The following C8B variants were observed in gnomAD, a reference collection of about 807,000 sequenced individuals.
The protein encoded by C8B is complement component C8 beta chain.
In C8B, 67 loss-of-function variants were observed where a neutral mutation model predicts 64.6. The ratio of observed to expected loss-of-function variants is 1.04; its 90% confidence interval spans 0.85 to 1.27. The LOEUF (loss-of-function observed/expected upper bound fraction) is 1.27, where lower values mean the gene tolerates loss of function less well. Among genes scored for constraint, C8B ranks in the 50% most tolerant of loss-of-function variants. The probability of loss-of-function intolerance (pLI) is 0.00; values close to 1 mark genes in which losing one functional copy is unlikely to be tolerated. For missense variants in C8B, 790 were observed against 725.2 expected, an observed-to-expected ratio of 1.09 and a Z score of -1.03; for synonymous variants, 284 against 257.7, an observed-to-expected ratio of 1.10 and a Z score of -0.98.
intron 6 of C8B, among the ~76,000 whole-genome samples, chr1:56,948,404 C>G (rs1644973803): frequency 6.6e-6 from 1 of 152,168 alleles, no homozygotes; most frequent in Admixed American, 6.5e-5. Flanking sequence ...AGATATGATT[C>G]TGGCTCAGTT....
At chr1:56,965,345 C>G (rs1645237737) in intron 1 of C8B, among the ~76,000 whole-genome samples, 1 of 149,982 alleles carries the variant, frequency 6.7e-6, no homozygotes, top group African/African-American at 2.5e-5. Flanking sequence ...AATAAATCAG[C>G]CAGCATTTAA....
At chr1:56,936,601 CTT>C in intron 9 of C8B, among the ~76,000 whole-genome samples, 1 of 95,212 alleles carries the variant, frequency 1.1e-5, no homozygotes, top group Non-Finnish European at 2.2e-5. Flanking sequence ...TTTTTCTTTT[CTT>C]TTTTTTTTTG....
At chr1:56,931,912 GC>G in intron 10 of C8B, 34 bp from the exon 11 acceptor site, 1 of 1,514,982 alleles carries the variant, frequency 6.6e-7, no homozygotes, top group Non-Finnish European at 9.2e-7. Context: ...TGTGAATCAT[GC>G]CAGGTGGAGC....
chr1:56,945,735 C>A (rs1373007566), intron 7 of C8B, 86 bp downstream of exon 7: 4 of 1,540,118 alleles, frequency 2.6e-6, no homozygotes, highest in Non-Finnish European at 3.6e-6. Flanking sequence ...GAAGGTGTAG[C>A]CAGGAAGGTA....
chr1:56,933,900 G>A (rs1644738735), intron 9 of C8B, among the ~76,000 whole-genome samples: 1 of 152,110 alleles, frequency 6.6e-6, no homozygotes, highest in African/African-American at 2.4e-5. Context: ...CTTTGGTGGG[G>A]CAGAGAAGGT....
chr1:56,954,537 A>G, intron 4 of C8B, 149 bp downstream of exon 4: 1 of 1,071,158 alleles, frequency 9.3e-7, no homozygotes, highest in Non-Finnish European at 1.4e-6. Flanking sequence ...GCCCTCAGAG[A>G]GCAACCGGAA....
chr1:56,945,428 A>G (rs1325617124), intron 7 of C8B, among the ~76,000 whole-genome samples: 1 of 152,224 alleles, frequency 6.6e-6, no homozygotes, highest in East Asian at 1.9e-4. Flanking sequence ...TTGGAGAAAG[A>G]AAGTCAAAAG....
intron 8 of C8B, among the ~76,000 whole-genome samples, chr1:56,941,574 C>T (rs1383080853): frequency 6.6e-6 from 1 of 151,950 alleles, no homozygotes; most frequent in African/African-American, 2.4e-5. Flanking sequence ...GACACACAGA[C>T]AGGTAGATGG....
intron 9 of C8B, among the ~76,000 whole-genome samples, chr1:56,940,187 CT>C (rs1644830739): frequency 1.3e-5 from 2 of 151,984 alleles, no homozygotes; most frequent in Non-Finnish European, 2.9e-5. Context: ...ATGAGTGATT[CT>C]CTAATGAAAT....
At chr1:56,931,663 A>T (rs1480363746) in intron 11 of C8B, 147 bp downstream of exon 11, 3 of 660,066 alleles carry the variant, frequency 4.5e-6, no homozygotes. Flanking sequence ...TAAATGATGG[A>T]GATGGAATTT....
In C8B at chr1:56,954,851, C is replaced by T. The variant is rs781674866; in HGVS notation, c.392-24G>A. The T allele has an allele frequency of 1.2e-5, 20 of 1,614,022 alleles. No homozygotes were observed. The South Asian group carries it at 2.1e-4, about 17-fold the overall frequency. The stretch of plus-strand genomic sequence containing the variant: ...TCCTAGAATGGAGAAAGAGTATTAC[C>T]CACAGCCACATGGTTGGCAAGAAAG... On this transcript the variant is annotated intron_variant, in intron 3 of 11. Coordinates refer to ENST00000371237, the MANE Select transcript of C8B (RefSeq NM_000066.4).
In C8B at chr1:56,956,898, A is replaced by G; in HGVS notation, c.262T>C (p.Tyr88His). The G allele has an allele frequency of 6.2e-7, 1 of 1,614,096 alleles. No individual in the cohort carries two copies. Among genetic ancestry groups the G allele is most frequent in the Non-Finnish European group, 8.5e-7 (1 of 1,179,974 alleles). ...TGGAACTGAGAGGGCTGGAGCAAGTAGGCATACCTGTACTGTAGCAGAGAG... is the reference window on the plus strand; with the variant it reads ...TGGAACTGAGAGGGCTGGAGCAAGTGGGCATACCTGTACTGTAGCAGAGAG... The part of the protein sequence containing the change: ...PCQKKRYRYA[Y>H]LLQPSQFHGE... Residue 88 changes from tyrosine (Y) to histidine (H), a missense_variant, in exon 3 of 12, where the codon TAC becomes CAC. By Grantham distance (83) the Tyr-to-His change is moderately conservative (BLOSUM62 2). Coordinates refer to ENST00000371237, the MANE Select transcript of C8B (RefSeq NM_000066.4).
At position 56,943,822 on chromosome 1, in the gene C8B, A is replaced by G; in HGVS notation, c.1108T>C (p.Tyr370His). ...CAGGCATGGACGTTGTTAAGAGTAT[A>G]ATCTGAAGAAAACAAGGAAAAAGGT... ...MNKEAMERGD[Y>H]TLNNVHACAK... Residue 370 changes from tyrosine to histidine, a missense_variant and splice_region_variant, in exon 8 of 12, where the codon TAT becomes CAT. By Grantham distance (83) the Tyr-to-His change is moderately conservative. Transcript: ENST00000371237. 6.2e-7 allele frequency: 1 copy of G among 1,614,036 alleles called. No homozygotes were observed. The highest frequency in any genetic ancestry group is 2.2e-5 in the East Asian group (1 of 44,878).
Position 56,940,948 on chromosome 1 carries a change from C to T in C8B, c.1299G>A (p.Glu433=). Residue 433 remains glutamate (E), a synonymous_variant, in exon 9 of 12, where the codon GAG becomes GAA. Transcript: ENST00000371237. ...CCTGGTATGCCAGGGTGGTGATGTGCTCACTTGCCCCTCCTCGTACCAGGA... is the reference window on the plus strand; with the variant it reads ...CCTGGTATGCCAGGGTGGTGATGTGTTCACTTGCCCCTCCTCGTACCAGGA... The part of the protein sequence containing the change: ...LVVLVRGGAS[E]HITTLAYQEL... 1.9e-6 allele frequency: 3 copies of T among 1,614,130 alleles called. No homozygotes were observed. In the South Asian group the frequency reaches 3.3e-5, roughly 18 times the overall value.
At chr1:56,951,435 T>C (rs679477) in intron 5 of C8B, among the ~76,000 whole-genome samples, 103,139 of 152,014 alleles carry the variant, frequency 0.68, 35,329 homozygotes, top group South Asian at 0.76. Flanking sequence ...GTGTGTCCTA[T>C]GGGCTATTCT....
At chr1:56,955,733 G>C (rs539886584) in intron 3 of C8B, among the ~76,000 whole-genome samples, 2 of 152,296 alleles carry the variant, frequency 1.3e-5, no homozygotes, top group South Asian at 4.1e-4. Context: ...AGATTTATTG[G>C]ATAGAATTTT....
Position 56,965,905 on chromosome 1 carries a change from A to C in C8B, c.44T>G (p.Leu15Arg). 2 of 1,614,020 alleles carry C rather than the reference A, an allele frequency of 1.2e-6. No individual in the cohort carries two copies. The highest frequency in any genetic ancestry group is 1.7e-6 in the Non-Finnish European group (2 of 1,180,002). The change falls in exon 1 of 12, where the codon CTA (leucine) becomes CGA (arginine). Residue 15 changes from leucine to arginine, a missense_variant. Transcript: ENST00000371237. ...RTWAWRAPVE[L>R]FLLCAALGCL... ...GCCCAGGGCAGCACAGAGAAGAAAT[A>C]GCTCCACCGGCGCCCTCCAAGCCCA...
intron 5 of C8B, among the ~76,000 whole-genome samples, chr1:56,951,824 A>G (rs1308493074): frequency 6.6e-6 from 1 of 152,166 alleles, no homozygotes; most frequent in Non-Finnish European, 1.5e-5. Context: ...GTAGCTTTTG[A>G]TATTATGGTT....
chr1:56,944,244 A>C (rs1198398226), intron 7 of C8B, among the ~76,000 whole-genome samples: 1 of 152,226 alleles, frequency 6.6e-6, no homozygotes, highest in Non-Finnish European at 1.5e-5. Flanking sequence ...AGTTGAGAAA[A>C]TGCATATAAA....
Sources: gnomAD v4.1 joint callset for allele counts (sites outside exome capture counted in the v4.1 genomes callset) on GRCh38, gnomAD v4.1.1 for gene constraint, MANE v1.5 for transcripts, NCBI Gene and HGNC (gene_info 2026-07-23, HGNC 2026-07-21) for gene names.